TTC28: variants seen among roughly 807,000 people sequenced by gnomAD.
TTC28 encodes the protein tetratricopeptide repeat domain 28, also known as tetratricopeptide repeat protein 28.
In TTC28, 61 loss-of-function variants were observed where a neutral mutation model predicts 198.0. The ratio of observed to expected loss-of-function variants is 0.31; its 90% CI spans 0.25 to 0.38. TTC28 has a LOEUF of 0.38. Among genes scored for constraint, TTC28 ranks in the 10% least tolerant of loss-of-function variants. The pLI is 1.00. For synonymous variants in TTC28, 1,171 were observed against 1,297.8 expected, an observed-to-expected ratio of 0.90 and a Z score of 2.10; for missense variants, 2,678 against 3,164.0, an observed-to-expected ratio of 0.85 and a Z score of 3.69.
At chr22:28,650,765 A>G (rs1003225236) in intron 1 of TTC28, among the ~76,000 whole-genome samples, 2 of 152,222 alleles carry the variant, frequency 1.3e-5, no homozygotes, top group African/African-American at 2.4e-5. Context: ...TTACATCAAT[A>G]TAAGAGTCAA....
At chr22:28,445,158 T>C (rs1383237210) in intron 2 of TTC28, among the ~76,000 whole-genome samples, 1 of 152,156 alleles carries the variant, frequency 6.6e-6, no homozygotes, top group Non-Finnish European at 1.5e-5. Flanking sequence ...TTCTTAGACA[T>C]CACAAATTCT....
intron 6 of TTC28, among the ~76,000 whole-genome samples, chr22:28,118,968 C>G (rs1285435602): frequency 2.0e-5 from 3 of 152,172 alleles, no homozygotes; most frequent in Non-Finnish European, 4.4e-5. Flanking sequence ...CTGTTGCATG[C>G]TCAGCTGACT....
At chr22:28,021,434 G>A (rs528165730) in intron 13 of TTC28, among the ~76,000 whole-genome samples, 54 of 152,244 alleles carry the variant, frequency 3.5e-4, no homozygotes, top group African/African-American at 1.2e-3. Context: ...ATGAAGGGGC[G>A]ACCTGAGGGA....
chr22:28,294,715 C>A (rs2044857314), intron 5 of TTC28, among the ~76,000 whole-genome samples: 1 of 151,836 alleles, frequency 6.6e-6, no homozygotes, highest in Admixed American at 6.6e-5. Flanking sequence ...ATTACAGGCA[C>A]CCGCCACCAC....
intron 2 of TTC28, among the ~76,000 whole-genome samples, chr22:28,624,554 T>A: frequency 6.6e-6 from 1 of 152,284 alleles, no homozygotes; most frequent in Non-Finnish European, 1.5e-5. Context: ...TTAGAAAATT[T>A]GAATAGCCCT....
chr22:28,160,670 A>G (rs1921065947), intron 6 of TTC28, among the ~76,000 whole-genome samples: 4 of 152,214 alleles, frequency 2.6e-5, no homozygotes, highest in Admixed American at 1.3e-4. Context: ...GTATATAGTA[A>G]AAAGGTCTGG....
intron 2 of TTC28, among the ~76,000 whole-genome samples, chr22:28,535,142 T>A (rs934742000): frequency 6.6e-6 from 1 of 151,992 alleles, no homozygotes; most frequent in Admixed American, 6.6e-5. Flanking sequence ...CCAAGTATAT[T>A]TAAAAAAAAG....
intron 2 of TTC28, among the ~76,000 whole-genome samples, chr22:28,412,654 T>C (rs923651220): frequency 2.6e-5 from 4 of 152,238 alleles, no homozygotes; most frequent in African/African-American, 9.6e-5. Flanking sequence ...AAAATTTTAC[T>C]CCTCCTTTAG....
intron 5 of TTC28, among the ~76,000 whole-genome samples, chr22:28,237,620 C>T (rs2057507066): frequency 6.6e-6 from 1 of 152,068 alleles, no homozygotes; most frequent in Admixed American, 6.6e-5. Flanking sequence ...GCTGTGTTAC[C>T]TAGTCAAACA....
intron 2 of TTC28, among the ~76,000 whole-genome samples, chr22:28,549,249 A>C (rs1373960943): frequency 6.6e-6 from 1 of 151,946 alleles, no homozygotes; most frequent in African/African-American, 2.4e-5. Flanking sequence ...GGCTGGTCTC[A>C]AACTTCTGAC....
chr22:28,221,633 C>T (rs1927879624), intron 5 of TTC28, among the ~76,000 whole-genome samples: 1 of 152,212 alleles, frequency 6.6e-6, no homozygotes, highest in South Asian at 2.1e-4. Flanking sequence ...ACTGAAACCA[C>T]TGGAACACCC....
chr22:28,460,679 A>G (rs1255063944), intron 2 of TTC28, among the ~76,000 whole-genome samples: 1 of 139,992 alleles, frequency 7.1e-6, no homozygotes, highest in Non-Finnish European at 1.7e-5. Context: ...AGACAGACAG[A>G]TAGATAGGCA....
chr22:28,280,274 T>A (rs948522112), intron 5 of TTC28, among the ~76,000 whole-genome samples: 1 of 152,164 alleles, frequency 6.6e-6, no homozygotes, highest in Non-Finnish European at 1.5e-5. Context: ...CTATACTTTT[T>A]GCTTTAATTA....
intron 2 of TTC28, among the ~76,000 whole-genome samples, chr22:28,328,187 T>C (rs1396867112): frequency 2.0e-5 from 3 of 152,120 alleles, no homozygotes; most frequent in African/African-American, 7.2e-5. Flanking sequence ...ATCCCAGCAT[T>C]TGGTGAAGCC....
At chr22:28,250,622 T>C (rs1930447679) in intron 5 of TTC28, among the ~76,000 whole-genome samples, 1 of 152,214 alleles carries the variant, frequency 6.6e-6, no homozygotes. Context: ...TTACTTAAAA[T>C]ACCTAATTTA....
intron 2 of TTC28, among the ~76,000 whole-genome samples, chr22:28,337,551 T>C (rs934830254): frequency 6.6e-6 from 1 of 152,260 alleles, no homozygotes; most frequent in Non-Finnish European, 1.5e-5. Context: ...GTATTTAGGA[T>C]AGTTAGCTCT....
At chr22:28,330,658 T>C (rs1859989754) in intron 2 of TTC28, among the ~76,000 whole-genome samples, 1 of 152,160 alleles carries the variant, frequency 6.6e-6, no homozygotes, top group African/African-American at 2.4e-5. Context: ...AAAGGGATCT[T>C]TGGCATCTTA....
intron 2 of TTC28, among the ~76,000 whole-genome samples, chr22:28,562,281 C>T (rs539902898): frequency 6.6e-6 from 1 of 152,282 alleles, no homozygotes; most frequent in Non-Finnish European, 1.5e-5. Flanking sequence ...GCAATGCTTT[C>T]AATTTCTCCA....
intron 1 of TTC28, among the ~76,000 whole-genome samples, chr22:28,653,102 G>C (rs1056119991): frequency 1.3e-5 from 2 of 152,148 alleles, no homozygotes; most frequent in Non-Finnish European, 2.9e-5. Context: ...ACAGATAGAG[G>C]AAGATTTCTC....
Sources: gnomAD v4.1 joint callset for allele counts (sites outside exome capture counted in the v4.1 genomes callset) on GRCh38, gnomAD v4.1.1 for gene constraint, MANE v1.5 for transcripts, NCBI Gene and HGNC (gene_info 2026-07-23, HGNC 2026-07-21) for gene names.